The following SPAG16 variants were observed in gnomAD, a reference collection of about 807,000 sequenced individuals.
SPAG16 encodes sperm associated antigen 16, also known as sperm-associated antigen 16 protein.
SPAG16 carries 86 observed loss-of-function variants against 80.4 expected under a neutral mutation model. That is an observed-to-expected ratio of 1.07 (90% CI 0.90 to 1.28). The LOEUF is 1.28. Among genes scored for constraint, SPAG16 ranks in the 50% most tolerant of loss-of-function variants. The pLI is 0.00. For missense variants in SPAG16, 870 were observed against 765.3 expected, an observed-to-expected ratio of 1.14 and a Z score of -1.61; for synonymous variants, 294 against 265.9, an observed-to-expected ratio of 1.11 and a Z score of -1.03.
At chr2:214,318,426 G>T (rs1161591183) in intron 15 of SPAG16, among the ~76,000 whole-genome samples, 1 of 132,896 alleles carries the variant, frequency 7.5e-6, no homozygotes, top group Non-Finnish European at 1.6e-5. Context: ...CTGTTGCCCA[G>T]GCTGGAGTGC....
At chr2:214,294,958 T>C (rs1348262407) in intron 15 of SPAG16, among the ~76,000 whole-genome samples, 1 of 152,224 alleles carries the variant, frequency 6.6e-6, no homozygotes, top group Non-Finnish European at 1.5e-5. Context: ...AATTCTTGAT[T>C]TATTGGAAAA....
At chr2:213,361,668 G>T (rs1011493360) in intron 7 of SPAG16, among the ~76,000 whole-genome samples, 1 of 138,302 alleles carries the variant, frequency 7.2e-6, no homozygotes, top group Admixed American at 7.3e-5. Context: ...GAACAGAAAA[G>T]AAAAAAAAAC....
intron 10 of SPAG16, among the ~76,000 whole-genome samples, chr2:213,561,618 G>C (rs1483028910): frequency 6.6e-6 from 1 of 152,070 alleles, no homozygotes; most frequent in Non-Finnish European, 1.5e-5. Flanking sequence ...CCCTGAAGTG[G>C]TATATGCACA....
intron 12 of SPAG16, among the ~76,000 whole-genome samples, chr2:213,986,520 A>G (rs1275045678): frequency 6.6e-6 from 1 of 152,034 alleles, no homozygotes; most frequent in Non-Finnish European, 1.5e-5. Flanking sequence ...AAAAAATAGT[A>G]TATTTTAAGT....
chr2:214,017,960 T>C (rs758957674), intron 13 of SPAG16, among the ~76,000 whole-genome samples: 1 of 152,154 alleles, frequency 6.6e-6, no homozygotes, highest in Non-Finnish European at 1.5e-5. Context: ...AAATGTATCA[T>C]AAATGCATCA....
chr2:213,647,610 T>G (rs2062866922), intron 10 of SPAG16, among the ~76,000 whole-genome samples: 2 of 151,698 alleles, frequency 1.3e-5, no homozygotes, highest in African/African-American at 2.4e-5. Context: ...TCGCCCATCT[T>G]TTTGTAGTCT....
intron 9 of SPAG16, among the ~76,000 whole-genome samples, chr2:213,442,463 C>G (rs1424778845): frequency 6.6e-6 from 1 of 152,084 alleles, no homozygotes; most frequent in Non-Finnish European, 1.5e-5. Context: ...GAACAGCCAA[C>G]ACAGTATGAA....
At chr2:213,835,179 C>T (rs928276222) in intron 10 of SPAG16, among the ~76,000 whole-genome samples, 17 of 152,112 alleles carry the variant, frequency 1.1e-4, no homozygotes, top group Admixed American at 1.0e-3. Context: ...ACATAACTTG[C>T]TGCAAGTCCT....
At chr2:214,091,718 T>C (rs1576152542) in intron 13 of SPAG16, among the ~76,000 whole-genome samples, 1 of 152,246 alleles carries the variant, frequency 6.6e-6, no homozygotes, top group South Asian at 2.1e-4. Context: ...ACTTATGCAT[T>C]TAAATATGTC....
intron 10 of SPAG16, among the ~76,000 whole-genome samples, chr2:213,540,804 A>G (rs1231049854): frequency 1.3e-5 from 2 of 152,258 alleles, no homozygotes; most frequent in Non-Finnish European, 2.9e-5. Flanking sequence ...TTCAGACTTT[A>G]CTTTTCACCG....
chr2:213,679,015 C>T (rs1029504847), intron 10 of SPAG16, among the ~76,000 whole-genome samples: 4 of 152,114 alleles, frequency 2.6e-5, no homozygotes, highest in African/African-American at 9.7e-5. Flanking sequence ...TTTCTTGGTT[C>T]CTGGTTCCCA....
At position 213,286,639 on chromosome 2, in the gene SPAG16, C is replaced by T. The variant is rs1384905786; in HGVS notation, c.136+2020C>T. Reference sequence around the variant, plus strand: ...TAATATGCACAGATGAATCAGAAATCTGATGTCCTCTGCTTCGCACATATA... The same window carrying T: ...TAATATGCACAGATGAATCAGAAATTTGATGTCCTCTGCTTCGCACATATA... On this transcript the variant is annotated intron_variant, in intron 1 of 15. Coordinates refer to ENST00000331683, the MANE Select transcript of SPAG16 (RefSeq NM_024532.5). Among the ~76,000 whole-genome samples, 6 of 152,338 alleles carry T rather than the reference C, an allele frequency of 3.9e-5. No homozygotes were observed. In the East Asian group the frequency reaches 1.2e-3, roughly 29 times the overall value.
chr2:213,651,505 C>G (rs2063022203), intron 10 of SPAG16, among the ~76,000 whole-genome samples: 1 of 152,128 alleles, frequency 6.6e-6, no homozygotes, highest in Non-Finnish European at 1.5e-5. Context: ...CATGGGTAGC[C>G]TAGCCACTGC....
chr2:213,368,281 G>T (rs2066431627), intron 8 of SPAG16, among the ~76,000 whole-genome samples: 2 of 151,964 alleles, frequency 1.3e-5, no homozygotes, highest in Admixed American at 1.3e-4. Context: ...GCTCTTTTTT[G>T]GATCCATATG....
intron 12 of SPAG16, among the ~76,000 whole-genome samples, chr2:214,012,065 G>A (rs1300964136): frequency 6.6e-6 from 1 of 151,210 alleles, no homozygotes; most frequent in East Asian, 1.9e-4. Context: ...AAAGTTAAAC[G>A]GTTACCATGC....
At chr2:214,261,685 G>A (rs934619195) in intron 15 of SPAG16, among the ~76,000 whole-genome samples, 1 of 152,018 alleles carries the variant, frequency 6.6e-6, no homozygotes, top group African/African-American at 2.4e-5. Flanking sequence ...TTTTTTATTT[G>A]TGCTTATTAA....
chr2:213,402,595 G>A (rs1458406509), intron 9 of SPAG16, among the ~76,000 whole-genome samples: 2 of 136,560 alleles, frequency 1.5e-5, no homozygotes, highest in Non-Finnish European at 3.2e-5. Flanking sequence ...CCCCACAACA[G>A]TCCCTGGAGT....
chr2:213,402,474 G>T (rs10191898), intron 9 of SPAG16, among the ~76,000 whole-genome samples: 1 of 151,458 alleles, frequency 6.6e-6, no homozygotes, highest in South Asian at 2.1e-4. Flanking sequence ...TGTGCACAAC[G>T]TGCAGGTTTG....
At chr2:214,183,734 C>T (rs980253977) in intron 15 of SPAG16, among the ~76,000 whole-genome samples, 7 of 151,954 alleles carry the variant, frequency 4.6e-5, no homozygotes, top group African/African-American at 1.7e-4. Context: ...ATAATATTTT[C>T]GTCATCTGTG....
Sources: gnomAD v4.1 joint callset for allele counts (sites outside exome capture counted in the v4.1 genomes callset) on GRCh38, gnomAD v4.1.1 for gene constraint, MANE v1.5 for transcripts, NCBI Gene and HGNC (gene_info 2026-07-23, HGNC 2026-07-21) for gene names.